RAD54B: variants seen among roughly 807,000 people sequenced by gnomAD.
The protein encoded by RAD54B is RAD54 homolog B.
Under a neutral mutation model 95.8 loss-of-function variants are expected in RAD54B, and 78 were observed. That is an observed-to-expected ratio of 0.81 (90% CI 0.68 to 0.98). The LOEUF is 0.98. Among genes scored for constraint, RAD54B ranks in the 50% least tolerant of loss-of-function variants. The pLI is 0.00. For missense variants in RAD54B, 957 were observed against 1,056.6 expected (o/e 0.91, Z 1.31); for synonymous variants, 328 against 354.9 (o/e 0.92, Z 0.85).
intron 14 of RAD54B, chr8:94,373,118 G>T (rs569241831): frequency 6.6e-6 from 1 of 152,224 alleles, no homozygotes; most frequent in East Asian, 1.9e-4. Flanking sequence ...GGGGAAAAAA[G>T]ATAAAGCATT....
chr8:94,448,823 G>T (rs1812583787), intron 3 of RAD54B, among the ~76,000 whole-genome samples: 2 of 152,246 alleles, frequency 1.3e-5, no homozygotes, highest in South Asian at 2.1e-4. Flanking sequence ...ACAAGTAGTG[G>T]ATATGTACGA....
rs116574477 is a variant in RAD54B, at chr8:94,407,634, C to T, written c.586G>A (p.Val196Ile). The change falls in exon 5 of 15, where the codon GTA becomes ATA. Residue 196 changes from valine to isoleucine, a missense_variant. Coordinates refer to ENST00000336148, the MANE Select transcript of RAD54B (RefSeq NM_012415.3). ...CTGCTGAAGTCATCTGGAGAGATTA[C>T]ACCCATGACTTCTATTTCTTTTCCA... Reference protein sequence around the residue: ...ICGKEIEVMGVISPDDFSSGR... With the variant: ...ICGKEIEVMGIISPDDFSSGR... 1.9e-5 allele frequency: 30 copies of T among 1,613,980 alleles called. No homozygotes were observed. In the East Asian group the frequency reaches 4.0e-4, roughly 22 times the overall value.
At chr8:94,470,263 C>T (rs888919308) in intron 1 of RAD54B, among the ~76,000 whole-genome samples, 10 of 151,572 alleles carry the variant, frequency 6.6e-5, no homozygotes, top group African/African-American at 2.4e-4. Flanking sequence ...GAGTTTGAGA[C>T]CAGCCAGGCT....
chr8:94,432,789 T>A, intron 3 of RAD54B: 1 of 1,167,844 alleles, frequency 8.6e-7, no homozygotes, highest in Non-Finnish European at 1.1e-6. Flanking sequence ...TAAAAAAAAA[T>A]CTTAAACACT....
chr8:94,411,222 G>A lies in RAD54B; in HGVS notation c.398C>T (p.Pro133Leu), dbSNP rs75952907. 110 of 1,611,238 alleles carry A rather than the reference G, an allele frequency of 6.8e-5. No homozygotes were observed. Among genetic ancestry groups the A allele is most frequent in the Non-Finnish European group, 8.6e-5 (101 of 1,178,898 alleles). ...CCACTTTTTATGTTTTTTCTTTGAA[G>A]GCTTACACCAAACAACACTGAAATA... is the stretch of plus-strand genomic sequence containing the variant. ...VKYFSVVWCK[P>L]SKKKHKKWEG... Residue 133 changes from proline (P) to leucine (L), a missense_variant, in exon 4 of 15, where the codon CCT becomes CTT. By Grantham distance (98) the Pro-to-Leu change is moderately conservative. Coordinates refer to ENST00000336148, the MANE Select transcript of RAD54B (RefSeq NM_012415.3).
chr8:94,380,179 T>C lies in RAD54B; in HGVS notation c.2213A>G (p.Tyr738Cys), dbSNP rs779107055. 5 of 1,612,714 alleles carry C rather than the reference T, an allele frequency of 3.1e-6. No homozygotes were observed. The highest frequency in any genetic ancestry group is 2.2e-5 in the East Asian group (1 of 44,860). ...AGTGGCTGGATTCCAATCAATGTCATAGAGAATTAAGTGAGATCCTCCAAT... is the reference window on the plus strand; with the variant it reads ...AGTGGCTGGATTCCAATCAATGTCACAGAGAATTAAGTGAGATCCTCCAAT... ...NLIGGSHLIL[Y>C]DIDWNPATDI... Residue 738 changes from tyrosine to cysteine, a missense_variant, in exon 12 of 15, where the codon TAT becomes TGT. By Grantham distance (194) the Tyr-to-Cys change is radical. Coordinates refer to ENST00000336148, the MANE Select transcript of RAD54B (RefSeq NM_012415.3).
At chr8:94,452,286 T>A (rs1812674054) in intron 3 of RAD54B, among the ~76,000 whole-genome samples, 1 of 152,222 alleles carries the variant, frequency 6.6e-6, no homozygotes, top group Admixed American at 6.5e-5. Flanking sequence ...ACCATAGCAT[T>A]GTATCAGTGT....
rs780105791 is a variant in RAD54B at position 94,386,091 on chromosome 8, G to C, written c.1985+893C>G. 3.3e-5 allele frequency among the ~76,000 whole-genome samples: 5 copies of C among 152,252 alleles called. No homozygotes were observed. In the South Asian group the frequency reaches 1.0e-3, roughly 32 times the overall value. ...ATTCAGGGCAATGTTGAGTATGTCAGGGGGCTGAAAGTAAGAGGGAAGTAG... is the reference window on the plus strand; with the variant it reads ...ATTCAGGGCAATGTTGAGTATGTCACGGGGCTGAAAGTAAGAGGGAAGTAG... On this transcript the variant is annotated intron_variant, in intron 11 of 14. Coordinates refer to ENST00000336148, the MANE Select transcript of RAD54B (RefSeq NM_012415.3).
chr8:94,442,710 T>C (rs1812432431), intron 3 of RAD54B, among the ~76,000 whole-genome samples: 1 of 151,678 alleles, frequency 6.6e-6, no homozygotes, highest in African/African-American at 2.4e-5. Flanking sequence ...GTTCCCAACA[T>C]AAAAAATGTT....
In RAD54B at chr8:94,380,278, C is replaced by A; in HGVS notation, c.2114G>T (p.Gly705Val). Residue 705 changes from glycine to valine, a missense_variant, in exon 12 of 15, where the codon GGC becomes GTC. By Grantham distance (109) the Gly-to-Val change is moderately radical. Coordinates refer to ENST00000336148, the MANE Select transcript of RAD54B (RefSeq NM_012415.3). The stretch of plus-strand genomic sequence containing the variant: ...AAAAGAAGAGTGTTGACTGTTAAAG[C>A]CATCAACAATCTGCTGCCTTTGAGA... ...PISQRQQIVD[G>V]FNSQHSSFFI... is the part of the protein sequence containing the mutation. The A allele has an allele frequency of 6.2e-7, 1 of 1,614,014 alleles. No individual in the cohort carries two copies. Among genetic ancestry groups the A allele is most frequent in the Non-Finnish European group, 8.5e-7 (1 of 1,179,988 alleles).
At chr8:94,374,945 TAA>T (rs1251353240) in intron 14 of RAD54B, among the ~76,000 whole-genome samples, 1 of 152,196 alleles carries the variant, frequency 6.6e-6, no homozygotes. Context: ...TCATTCGTAA[TAA>T]GAGAATAGCA....
intron 1 of RAD54B, among the ~76,000 whole-genome samples, chr8:94,469,310 C>T (rs1285702999): frequency 6.6e-6 from 1 of 152,166 alleles, no homozygotes; most frequent in Admixed American, 6.5e-5. Context: ...CTAAGTCTCA[C>T]GAGATCCGAT....
At chr8:94,439,738 T>C (rs1812355165) in intron 3 of RAD54B, among the ~76,000 whole-genome samples, 1 of 152,168 alleles carries the variant, frequency 6.6e-6, no homozygotes, top group African/African-American at 2.4e-5. Flanking sequence ...TGGTTTACAA[T>C]TGGTTGAGTT....
intron 3 of RAD54B, among the ~76,000 whole-genome samples, chr8:94,438,062 G>A (rs914252797): frequency 7.9e-5 from 12 of 152,068 alleles, no homozygotes; most frequent in Non-Finnish European, 1.5e-4. Flanking sequence ...TTTAATTACT[G>A]ACCACGTATA....
At chr8:94,459,474 G>A (rs1405121080) in intron 2 of RAD54B, among the ~76,000 whole-genome samples, 2 of 151,982 alleles carry the variant, frequency 1.3e-5, no homozygotes, top group African/African-American at 4.8e-5. Flanking sequence ...ATATTTTAGG[G>A]ACATATTCTA....
chr8:94,459,437 C>A (rs1430171041), intron 2 of RAD54B, among the ~76,000 whole-genome samples: 2 of 151,910 alleles, frequency 1.3e-5, no homozygotes, highest in East Asian at 3.9e-4. Context: ...AGGGGTGAGC[C>A]ACCATACCCG....
chr8:94,467,500 A>T lies in RAD54B; in HGVS notation c.40T>A (p.Ser14Thr), dbSNP rs147627613. 6.2e-7 allele frequency: 1 copy of T among 1,613,598 alleles called. No homozygotes were observed. The highest frequency in any genetic ancestry group is 8.5e-7 in the Non-Finnish European group (1 of 1,180,004). The change falls in exon 2 of 15, where the codon TCC becomes ACC. Residue 14 changes from serine (S) to threonine (T), a missense_variant. Physicochemically the swap from Ser to Thr is moderately conservative, Grantham distance 58. Coordinates refer to ENST00000336148, the MANE Select transcript of RAD54B (RefSeq NM_012415.3). Reference protein sequence around the residue: ...SAAPSQLQGNSFKKPKFIPPG... With the variant: ...SAAPSQLQGNTFKKPKFIPPG... Reference sequence around the variant, plus strand: ...GGTATAAATTTTGGTTTTTTGAAGGAATTCCCCTGCAACTGACTTGGTGCT... The same window carrying T: ...GGTATAAATTTTGGTTTTTTGAAGGTATTCCCCTGCAACTGACTTGGTGCT...
intron 3 of RAD54B, chr8:94,436,894 T>C (rs1563657254): frequency 6.7e-7 from 1 of 1,490,080 alleles, no homozygotes; most frequent in Non-Finnish European, 8.9e-7. Flanking sequence ...AAGTAGGCAG[T>C]TTCTGAAACC....
At chr8:94,432,173 T>C in intron 3 of RAD54B, 2 of 1,550,216 alleles carry the variant, frequency 1.3e-6, no homozygotes, top group South Asian at 1.2e-5. Flanking sequence ...GTAAGCGAAT[T>C]GCTTTCAGCT....
Sources: allele counts gnomAD v4.1 joint callset (sites outside exome capture counted in the v4.1 genomes callset), GRCh38; gene constraint gnomAD v4.1.1; transcripts MANE v1.5; gene names NCBI Gene and HGNC (gene_info 2026-07-23, HGNC 2026-07-21).